NEBL: variants seen among roughly 807,000 people sequenced by gnomAD.
NEBL encodes LIM and SH3 protein 2.
NEBL carries 122 observed loss-of-function variants against 140.2 expected under a neutral mutation model. The ratio of observed to expected loss-of-function variants is 0.87; its 90% CI spans 0.75 to 1.01. The LOEUF (loss-of-function observed/expected upper bound fraction) is 1.01, where lower values mean the gene tolerates loss of function less well. Ranked by LOEUF, NEBL falls within the 50% of genes least tolerant of loss-of-function variation. The pLI is 0.00. For missense variants in NEBL, 1,365 were observed against 1,231.3 expected (o/e 1.11, Z -1.62); for synonymous variants, 436 against 398.9 (o/e 1.09, Z -1.11).
intron 9 of NEBL, among the ~76,000 whole-genome samples, chr10:20,853,424 A>G (rs1167518869): frequency 6.6e-6 from 1 of 152,214 alleles, no homozygotes; most frequent in African/African-American, 2.4e-5. Flanking sequence ...CCATCAACAG[A>G]TGAATGAATA....
At chr10:20,948,305 A>T (rs1052967392) in intron 4 of NEBL, among the ~76,000 whole-genome samples, 13 of 152,220 alleles carry the variant, frequency 8.5e-5, no homozygotes, top group African/African-American at 3.1e-4. Context: ...CAATAACATA[A>T]AGCCTAGGAT....
chr10:20,830,156 C>T (rs1840267555), intron 16 of NEBL, among the ~76,000 whole-genome samples: 1 of 152,196 alleles, frequency 6.6e-6, no homozygotes, highest in Non-Finnish European at 1.5e-5. Flanking sequence ...ACATTTGACT[C>T]TGCCATCTTG....
chr10:20,963,235 G>C lies in NEBL; in HGVS notation c.250-1456C>G, dbSNP rs754975174. Among the ~76,000 whole-genome samples, 225 of 152,274 alleles carry C rather than the reference G, an allele frequency of 1.5e-3. 4 individuals are homozygous for C. The highest frequency in any genetic ancestry group is 1.0e-3 in the Non-Finnish European group (68 of 68,028). ...TTCTCACCCTCCATCTCCCAGCATG[G>C]GTAAAGATCCACATGCTGGCACATT... is the stretch of plus-strand genomic sequence containing the variant. On this transcript the variant is annotated intron_variant, in intron 3 of 6. Coordinates refer to the NEBL transcript ENST00000417816.
chr10:21,021,598 T>C (rs1283298420), intron 2 of NEBL, among the ~76,000 whole-genome samples: 1 of 152,228 alleles, frequency 6.6e-6, no homozygotes, highest in Non-Finnish European at 1.5e-5. Context: ...AAACTGTGTT[T>C]ATTTTTCAGG....
intron 2 of NEBL, among the ~76,000 whole-genome samples, chr10:21,053,581 G>A (rs964354054): frequency 1.2e-4 from 19 of 152,128 alleles, no homozygotes; most frequent in African/African-American, 4.3e-4. Context: ...CTACCCATTG[G>A]ATTCTTTATA....
intron 3 of NEBL, among the ~76,000 whole-genome samples, chr10:21,242,611 G>GT (rs1275311145): frequency 6.6e-6 from 1 of 152,040 alleles, no homozygotes; most frequent in African/African-American, 2.4e-5. Context: ...TAAAATAAAA[G>GT]TTTTTTTAAA....
At chr10:21,043,226 A>G (rs1235369709) in intron 2 of NEBL, among the ~76,000 whole-genome samples, 1 of 152,174 alleles carries the variant, frequency 6.6e-6, no homozygotes, top group African/African-American at 2.4e-5. Flanking sequence ...TTCACATCCA[A>G]CAGATGGTGG....
Position 20,916,231 on chromosome 10 carries a change from T to C in NEBL, c.357+45441A>G, listed in dbSNP as rs567373455. Among the ~76,000 whole-genome samples the C allele has an allele frequency of 2.0e-5, 3 of 152,110 alleles. No individual in the cohort carries two copies. In the South Asian group the frequency reaches 6.2e-4, roughly 32 times the overall value. On this transcript the variant is annotated intron_variant, in intron 4 of 6. Coordinates refer to the NEBL transcript ENST00000417816. ...ATGGAGTTCCCAACACCTTAACCTA[T>C]ACAACTCTGAAAAACAACTATACCT...
chr10:21,049,369 G>T, intron 2 of NEBL, among the ~76,000 whole-genome samples: 1 of 152,300 alleles, frequency 6.6e-6, no homozygotes. Context: ...TTTTGGAGAA[G>T]AAAGTTTATC....
chr10:21,293,043 A>C (rs1843166196), upstream of NEBL, among the ~76,000 whole-genome samples: 1 of 152,238 alleles, frequency 6.6e-6, no homozygotes, highest in African/African-American at 2.4e-5. Context: ...CTGTGGCCTC[A>C]ACAACATAGC....
chr10:20,829,509 C>A (rs56267980), intron 16 of NEBL, among the ~76,000 whole-genome samples: 4 of 151,114 alleles, frequency 2.6e-5, no homozygotes, highest in African/African-American at 9.8e-5. Context: ...GTGGGTGCAG[C>A]GCACCAGCAT....
chr10:20,873,486 G>A (rs1325333360), intron 5 of NEBL, among the ~76,000 whole-genome samples: 1 of 151,980 alleles, frequency 6.6e-6, no homozygotes, highest in Non-Finnish European at 1.5e-5. Flanking sequence ...AACAGGAGGA[G>A]GAGGGGGAAA....
chr10:20,931,528 G>A (rs1299153123), intron 4 of NEBL, among the ~76,000 whole-genome samples: 1 of 152,192 alleles, frequency 6.6e-6, no homozygotes, highest in East Asian at 1.9e-4. Flanking sequence ...AGATCATCAA[G>A]GAATGAGGAC....
At chr10:20,833,755 C>CA (rs919864839) in intron 14 of NEBL, among the ~76,000 whole-genome samples, 8,857 of 75,282 alleles carry the variant, frequency 0.12, 341 homozygotes, top group Middle Eastern at 0.3. Flanking sequence ...GACTCCGTCT[C>CA]AAAAAAAAAA....
At chr10:20,812,727 T>G (rs1379533965) in intron 24 of NEBL, 42 bp downstream of exon 24, 1 of 1,610,718 alleles carries the variant, frequency 6.2e-7, no homozygotes, top group Non-Finnish European at 8.5e-7. Context: ...AAGCATGATC[T>G]TTTCGACCAC....
chr10:21,027,241 T>G lies in NEBL; in HGVS notation c.165-7040A>C, dbSNP rs1021871314. 3.2e-4 allele frequency among the ~76,000 whole-genome samples: 48 copies of G among 151,926 alleles called. 1 individual carries two copies. Among genetic ancestry groups the G allele is most frequent in the African/African-American group, 1.1e-3 (46 of 41,348 alleles). ...GGGGACCCCAGCACAGGCCCCTTTG[T>G]GCGTAACAGGCTTTCATTCATAAAG... On this transcript the variant is annotated intron_variant, in intron 2 of 6. Coordinates refer to the NEBL transcript ENST00000417816.
At chr10:21,224,922 C>T (rs896750020) in intron 3 of NEBL, among the ~76,000 whole-genome samples, 1 of 152,068 alleles carries the variant, frequency 6.6e-6, no homozygotes, top group African/African-American at 2.4e-5. Context: ...CAGGTCTTTC[C>T]AAATATAAGA....
At chr10:20,978,632 G>A (rs1049563864) in intron 3 of NEBL, among the ~76,000 whole-genome samples, 1 of 151,988 alleles carries the variant, frequency 6.6e-6, no homozygotes, top group Non-Finnish European at 1.5e-5. Context: ...GGTGGTGCAT[G>A]CCTGTGTTCC....
At chr10:21,043,107 G>A (rs989952460) in intron 2 of NEBL, among the ~76,000 whole-genome samples, 1 of 152,198 alleles carries the variant, frequency 6.6e-6, no homozygotes. Flanking sequence ...AAATCTGACA[G>A]AAGTAGGCCT....
Sources: allele counts gnomAD v4.1 joint callset (sites outside exome capture counted in the v4.1 genomes callset), GRCh38; gene constraint gnomAD v4.1.1; transcripts MANE v1.5; gene names NCBI Gene and HGNC (gene_info 2026-07-23, HGNC 2026-07-21).